Variants in IDH3G observed in about 807,000 individuals in gnomAD.
The protein encoded by IDH3G is isocitrate dehydrogenase [NAD] subunit gamma, mitochondrial.
Under a neutral mutation model 26.9 loss-of-function variants are expected in IDH3G, and 9 were observed. That is an observed-to-expected ratio of 0.34 (90% CI 0.20 to 0.58). The LOEUF (loss-of-function observed/expected upper bound fraction) is 0.58. Ranked by LOEUF, IDH3G falls within the 20% of genes least tolerant of loss-of-function variation. The probability of loss-of-function intolerance (pLI) is 0.85; values close to 1 mark genes in which losing one functional copy is unlikely to be tolerated. For missense variants in IDH3G, 250 were observed against 372.8 expected, an observed-to-expected ratio of 0.67 and a Z score of 2.71; for synonymous variants, 181 against 160.0, an observed-to-expected ratio of 1.13 and a Z score of -0.99.
intron 1 of IDH3G, among the ~76,000 whole-genome samples, chrX:153,792,700 G>A (rs1285158634): frequency 8.9e-6 from 1 of 112,708 alleles, no homozygotes; most frequent in East Asian, 2.8e-4. Flanking sequence ...CCCTGTGCCA[G>A]GTGTTCCTTT....
At chrX:153,794,152 C>T in intron 1 of IDH3G, 94 bp downstream of exon 1, 1 of 994,783 alleles carries the variant, frequency 1.0e-6, no homozygotes, top group Non-Finnish European at 1.3e-6. Flanking sequence ...TGGTGGGGCC[C>T]CTAGCCAATC....
At chrX:153,790,491 C>A in intron 3 of IDH3G, 73 bp downstream of exon 3, 1 of 1,090,067 alleles carries the variant, frequency 9.2e-7, no homozygotes, top group Non-Finnish European at 1.3e-6. Flanking sequence ...GCAGCCCACC[C>A]CCACCTGGAA....
intron 1 of IDH3G, chrX:153,791,168 C>T (rs781875673): frequency 1.0e-5 from 3 of 288,719 alleles, no homozygotes; most frequent in African/African-American, 2.7e-5. Context: ...TCCCGCTCAG[C>T]GATGTTTGTA....
In IDH3G at chrX:153,790,854, G is replaced by A; in HGVS notation, c.82-3C>T. ...GGGACCTCGTGGGCGCCTAGAACCT[G>A]GCAGAGACCAAATGCCAGCGGTTGG... On this transcript the variant is annotated splice_polypyrimidine_tract_variant and splice_region_variant and intron_variant, in intron 1 of 12. Coordinates refer to ENST00000217901, the MANE Select transcript of IDH3G (RefSeq NM_004135.4). 1 of 1,204,378 alleles carries A rather than the reference G, an allele frequency of 8.3e-7. No homozygotes were observed. The highest frequency in any genetic ancestry group is 1.1e-6 in the Non-Finnish European group (1 of 892,179).
chrX:153,785,824 G>A lies in IDH3G; in HGVS notation c.*48C>T. On this transcript the variant is annotated 3_prime_UTR_variant, in exon 13 of 13. Coordinates refer to ENST00000217901, the MANE Select transcript of IDH3G (RefSeq NM_004135.4). ...GTACCAGGCTGGCTGGGGTGCTGGA[G>A]TGGGAAGGGGAATCCAAGGAGCAAA... The A allele has an allele frequency of 3.4e-6, 4 of 1,185,347 alleles. No individual in the cohort carries two copies. Among genetic ancestry groups the A allele is most frequent in the Non-Finnish European group, 4.6e-6 (4 of 873,163 alleles).
chrX:153,787,022 C>T (rs2092091273), intron 9 of IDH3G, 29 bp downstream of exon 9: 2 of 1,191,092 alleles, frequency 1.7e-6, no homozygotes. Flanking sequence ...GCACTCAGGG[C>T]AGGGGGACAG....
In IDH3G at chrX:153,786,575, G is replaced by T. The variant is rs1219319994; in HGVS notation, c.925-126C>A. The T allele has an allele frequency of 7.9e-6, 5 of 634,640 alleles. No homozygotes were observed. In the African/African-American group the frequency reaches 1.1e-4, roughly 14 times the overall value. The allele number at this position is 634,640 out of a possible 1,213,427, so 52.3% of individuals were successfully genotyped here. A position where few individuals can be genotyped will look rare whatever the true frequency, so the allele number is the denominator to read the frequency against. On this transcript the variant is annotated intron_variant, in intron 10 of 12. Coordinates refer to ENST00000217901, the MANE Select transcript of IDH3G (RefSeq NM_004135.4). ...AAAAGCCCACCAGCGGGTGCCAGGG[G>T]TTGGGGGAAGGTGTGGGGACAGATA... is the stretch of plus-strand genomic sequence containing the variant.
intron 8 of IDH3G, 137 bp from the exon 9 acceptor site, chrX:153,787,290 AC>A: frequency 1.3e-6 from 1 of 761,873 alleles, no homozygotes; most frequent in Non-Finnish European, 1.9e-6. Flanking sequence ...ACAGAATCCC[AC>A]CCCACCTCCC....
chrX:153,787,083 C>T lies in IDH3G; in HGVS notation c.745G>A (p.Glu249Lys), dbSNP rs1557069366. The T allele has an allele frequency of 2.5e-6, 3 of 1,210,291 alleles. No individual in the cohort carries two copies. Among genetic ancestry groups the T allele is most frequent in the Admixed American group, 2.2e-5 (1 of 46,062 alleles). Reference protein sequence around the residue: ...VAARYPQITFENMIVDNTTMQ... With the variant: ...VAARYPQITFKNMIVDNTTMQ... ...GTGGTGTTATCCACAATCATGTTCT[C>T]GAAGGTGATCTGAGGGTAGCGGGCT... The change falls in exon 9 of 13, where the codon GAG becomes AAG. Residue 249 changes from glutamate to lysine, a missense_variant. Coordinates refer to ENST00000217901, the MANE Select transcript of IDH3G (RefSeq NM_004135.4).
chrX:153,789,669 T>C (rs951493992), intron 5 of IDH3G, 43 bp downstream of exon 5: 2 of 765,919 alleles, frequency 2.6e-6, no homozygotes. Context: ...AAGAAAGAAA[T>C]CACACCTAGG....
At chrX:153,792,357 T>C (rs1233623326) in intron 1 of IDH3G, 1 of 112,713 alleles carries the variant, frequency 8.9e-6, no homozygotes, top group East Asian at 2.8e-4. Flanking sequence ...CCATCCACTC[T>C]TCTTGAGATG....
chrX:153,792,398 C>T (rs781804563), intron 1 of IDH3G: 5 of 111,509 alleles, frequency 4.5e-5, no homozygotes, highest in African/African-American at 1.3e-4. Context: ...ATTCACAGAA[C>T]GGAGGTACCT....
chrX:153,787,147 C>A lies in IDH3G; in HGVS notation c.681G>T (p.Leu227=), dbSNP rs199862164. 10 of 1,201,009 alleles carry A rather than the reference C, an allele frequency of 8.3e-6. No homozygotes were observed. The East Asian group carries it at 3.0e-4, about 36-fold the overall frequency. Residue 227 remains leucine (L), a synonymous_variant, in exon 9 of 13, where the codon CTG becomes CTT. Coordinates refer to ENST00000217901, the MANE Select transcript of IDH3G (RefSeq NM_004135.4). ...AGCACTGGAGGAAAAGCCCATCGCC[C>A]AGTTTCCTGGTGGGGGGTTAGGAAT... ...TAVHKANIMK[L]GDGLFLQCCR...
At chrX:153,794,207 C>G (rs782492670) in intron 1 of IDH3G, 39 bp downstream of exon 1, 2 of 1,146,468 alleles carry the variant, frequency 1.7e-6, no homozygotes, top group Non-Finnish European at 2.3e-6. Flanking sequence ...CGCTCCCCTG[C>G]GACCGCTGCC....
At chrX:153,788,473 G>C (rs994414478) in intron 5 of IDH3G, among the ~76,000 whole-genome samples, 3 of 112,933 alleles carry the variant, frequency 2.7e-5, no homozygotes, top group Non-Finnish European at 5.6e-5. Flanking sequence ...CAGGTTGGCC[G>C]GCCAGGCTGG....
rs782335795 is a variant in IDH3G, at chrX:153,787,791, G to T, written c.540+32C>A. On this transcript the variant is annotated intron_variant, in intron 7 of 12. Coordinates refer to ENST00000217901, the MANE Select transcript of IDH3G (RefSeq NM_004135.4). ...AAGCTCTCCCCTTAATCTTGACGCT[G>T]GGGGGGCTCATCTCGGGCCCCCCAT... 1.1e-5 allele frequency: 13 copies of T among 1,185,045 alleles called. No individual in the cohort carries two copies. The South Asian group carries it at 1.6e-4, about 15-fold the overall frequency.
chrX:153,789,440 A>G (rs782239285), intron 5 of IDH3G, among the ~76,000 whole-genome samples: 141 of 112,502 alleles, frequency 1.3e-3, no homozygotes, highest in Non-Finnish European at 2.0e-3. Context: ...GCTACTCGGG[A>G]GGCTGAGGCA....
chrX:153,787,937 A>G lies in IDH3G; in HGVS notation c.426T>C (p.Tyr142=), dbSNP rs1399017377. 1 of 1,210,119 alleles carries G rather than the reference A, an allele frequency of 8.3e-7. No homozygotes were observed. The highest frequency in any genetic ancestry group is 1.7e-5 in the African/African-American group (1 of 57,461). Residue 142 remains tyrosine, a synonymous_variant, in exon 7 of 13, where the codon TAT becomes TAC. Transcript: ENST00000217901. ...NNILRTSLDL[Y]ANVIHCKSLP... is the part of the protein sequence containing the mutation. ...GGCTCTTACAGTGGATGACGTTGGC[A>G]TAGAGGTCCAGGCTGGTGCTGGGAG...
At position 153,794,253 on chromosome X, in the gene IDH3G, G is replaced by T; in HGVS notation, c.74C>A (p.Pro25His). 1 of 1,195,540 alleles carries T rather than the reference G, an allele frequency of 8.4e-7. No homozygotes were observed. Among genetic ancestry groups the T allele is most frequent in the African/African-American group, 1.7e-5 (1 of 57,750 alleles). Residue 25 changes from proline to histidine, a missense_variant, in exon 1 of 13, where the codon CCC becomes CAC. Pro to His is a moderately conservative substitution (Grantham distance 77). Around this residue, in one of 2 missense-constraint regions of IDH3G, gnomAD observed 49 missense variants for 41.5 expected, o/e 1.18. Transcript: ENST00000217901. ...GGCTCTTTCCCTGCTCACCTCCCAG[G>T]GACGGCAGAGAAGGGCTGGCCCGAG... ...AVLGPALLCR[P>H]WEVLGAHEVP...
Sources: allele counts gnomAD v4.1 joint callset (sites outside exome capture counted in the v4.1 genomes callset), GRCh38; gene constraint gnomAD v4.1.1; regional missense constraint gnomAD v4.1.1; transcripts MANE v1.5; gene names NCBI Gene and HGNC (gene_info 2026-07-23, HGNC 2026-07-21).